Variants in CHURC1 observed in about 807,000 individuals in gnomAD.
The protein encoded by CHURC1 is protein Churchill.
In CHURC1, 12 loss-of-function variants were observed where a neutral mutation model predicts 15.4. The observed-to-expected ratio is 0.78, with a 90% CI of 0.50 to 1.27. The LOEUF is 1.27. Among genes scored for constraint, CHURC1 ranks in the 50% most tolerant of loss-of-function variants. The pLI is 0.00. For synonymous variants in CHURC1, 42 were observed against 47.5 expected, an observed-to-expected ratio of 0.88 and a Z score of 0.48; for missense variants, 132 against 137.8, an observed-to-expected ratio of 0.96 and a Z score of 0.21.
At chr14:64,931,124 C>T (rs113527139) in intron 3 of CHURC1, among the ~76,000 whole-genome samples, 1 of 152,208 alleles carries the variant, frequency 6.6e-6, no homozygotes, top group African/African-American at 2.4e-5. Flanking sequence ...TTCTAGAAGA[C>T]TTAACATAGA....
rs777281072 is a variant in CHURC1, at chr14:64,914,467, G to A, written c.-29G>A. 6.2e-7 allele frequency: 1 copy of A among 1,614,278 alleles called. No individual in the cohort carries two copies. The highest frequency in any genetic ancestry group is 8.5e-7 in the Non-Finnish European group (1 of 1,180,050). ...GAGGTTTCGTCTTCCCGGAAGCGTT[G>A]GAGGACATTCCCTGTTGACTGCGTC... On this transcript the variant is annotated 5_prime_UTR_variant, in exon 1 of 4. Transcript: ENST00000549115.
chr14:64,932,546 C>G lies in CHURC1; in HGVS notation c.*316C>G. The G allele has an allele frequency of 1.2e-6, 1 of 828,956 alleles. No homozygotes were observed. Among genetic ancestry groups the G allele is most frequent in the Non-Finnish European group, 1.5e-6 (1 of 670,774 alleles). 51.4% of individuals were successfully genotyped at this position (828,956 alleles called of 1,614,324 possible). A position where few individuals can be genotyped will look rare whatever the true frequency, so the allele number is the denominator to read the frequency against. On this transcript the variant is annotated 3_prime_UTR_variant, in exon 4 of 4. Coordinates refer to ENST00000549115, the MANE Select transcript of CHURC1 (RefSeq NM_001386928.1). ...TGGTTTCCAATAAAAGGAACCAGGACTCCTTAGAAAATGAACTGATTCTAG... is the reference window on the plus strand; with the variant it reads ...TGGTTTCCAATAAAAGGAACCAGGAGTCCTTAGAAAATGAACTGATTCTAG...
intron 3 of CHURC1, among the ~76,000 whole-genome samples, chr14:64,928,826 T>C (rs1884908042): frequency 6.6e-6 from 1 of 152,214 alleles, no homozygotes; most frequent in African/African-American, 2.4e-5. Flanking sequence ...TTGTGTTTTC[T>C]CTTAGTTTTC....
rs1885150756 is a variant in CHURC1 at position 64,932,758 on chromosome 14, C to A, written c.*528C>A. 6.6e-6 allele frequency: 1 copy of A among 152,044 alleles called. No homozygotes were observed. Among genetic ancestry groups the A allele is most frequent in the Admixed American group, 6.5e-5 (1 of 15,270 alleles). 9.4% of individuals were successfully genotyped at this position (152,044 alleles called of 1,614,324 possible). On this transcript the variant is annotated 3_prime_UTR_variant, in exon 4 of 4. Coordinates refer to ENST00000549115, the MANE Select transcript of CHURC1 (RefSeq NM_001386928.1). ...AAATAAAGTAGTATTGGGTTATAAC[C>A]CAAACTATATAATAAATATTTACAA...
In CHURC1 at chr14:64,934,430, C is replaced by T. The variant is rs1885233668; in HGVS notation, c.*2200C>T. The T allele has an allele frequency of 3.0e-6, 3 of 984,930 alleles. No individual in the cohort carries two copies. The highest frequency in any genetic ancestry group is 1.2e-6 in the Non-Finnish European group (1 of 829,640). 61.0% of individuals were successfully genotyped at this position (984,930 alleles called of 1,614,324 possible). A position where few individuals can be genotyped will look rare whatever the true frequency, so the allele number is the denominator to read the frequency against. ...ATCACACAGCTAGTGCAGTTACCCC[C>T]TCTCAGTAATTATGTTTGGCAAATA... On this transcript the variant is annotated 3_prime_UTR_variant, in exon 4 of 4. Coordinates refer to ENST00000549115, the MANE Select transcript of CHURC1 (RefSeq NM_001386928.1).
Position 64,934,317 on chromosome 14 carries a change from C to A in CHURC1, c.*2087C>A. ...GAGCCAAGGTCATGCCACTGCACTC[C>A]AGCCTGGGAGACAGAGCAAGACTCC... On this transcript the variant is annotated 3_prime_UTR_variant, in exon 4 of 4. Transcript: ENST00000549115. The A allele has an allele frequency of 1.6e-6, 1 of 631,890 alleles. No individual in the cohort carries two copies. The highest frequency in any genetic ancestry group is 2.0e-6 in the Non-Finnish European group (1 of 506,844). 39.1% of individuals were successfully genotyped at this position (631,890 alleles called of 1,614,324 possible). A position where few individuals can be genotyped will look rare whatever the true frequency, so the allele number is the denominator to read the frequency against.
At chr14:64,915,714 A>G (rs1461118174) in intron 1 of CHURC1, among the ~76,000 whole-genome samples, 1 of 152,234 alleles carries the variant, frequency 6.6e-6, no homozygotes, top group Non-Finnish European at 1.5e-5. Context: ...GAGCCTTATA[A>G]AATACAGACA....
Position 64,934,042 on chromosome 14 carries a change from A to G in CHURC1, c.*1812A>G. The G allele has an allele frequency of 1.0e-6, 1 of 982,886 alleles. No individual in the cohort carries two copies. Among genetic ancestry groups the G allele is most frequent in the Middle Eastern group, 5.2e-4 (1 of 1,910 alleles). The allele number at this position is 982,886 out of a possible 1,614,324, so 60.9% of individuals were successfully genotyped here. A position where few individuals can be genotyped will look rare whatever the true frequency, so the allele number is the denominator to read the frequency against. ...CTTTTAGAGCCAAAAAAACTCAGGC[A>G]CAAAGAAGTTAAATAACTTGCCGGG... On this transcript the variant is annotated 3_prime_UTR_variant, in exon 4 of 4. Coordinates refer to ENST00000549115, the MANE Select transcript of CHURC1 (RefSeq NM_001386928.1).
chr14:64,930,891 A>G (rs937945841), intron 3 of CHURC1: 1 of 452,412 alleles, frequency 2.2e-6, no homozygotes, highest in Non-Finnish European at 4.4e-6. Flanking sequence ...TTTTTATTTT[A>G]TTTTTAATTC....
chr14:64,917,469 G>A (rs1267745497), intron 1 of CHURC1, among the ~76,000 whole-genome samples: 3 of 152,106 alleles, frequency 2.0e-5, no homozygotes, highest in Admixed American at 2.0e-4. Flanking sequence ...AGGCTGAGGC[G>A]GTAGAATCGC....
rs1213977627 is a variant in CHURC1, at chr14:64,934,037, C to A, written c.*1807C>A. The A allele has an allele frequency of 2.0e-6, 2 of 983,742 alleles. No homozygotes were observed. Among genetic ancestry groups the A allele is most frequent in the African/African-American group, 3.6e-5 (2 of 56,270 alleles). 60.9% of individuals were successfully genotyped at this position (983,742 alleles called of 1,614,324 possible). A position where few individuals can be genotyped will look rare whatever the true frequency, so the allele number is the denominator to read the frequency against. ...TAGCACTTTTAGAGCCAAAAAAACT[C>A]AGGCACAAAGAAGTTAAATAACTTG... is the stretch of plus-strand genomic sequence containing the variant. On this transcript the variant is annotated 3_prime_UTR_variant, in exon 4 of 4. Transcript: ENST00000549115.
intron 1 of CHURC1, 61 bp from the exon 2 acceptor site, chr14:64,923,930 A>G: frequency 7.0e-7 from 1 of 1,436,114 alleles, no homozygotes; most frequent in Non-Finnish European, 9.2e-7. Context: ...AAGTCTGTTA[A>G]TCATCTTCAC....
chr14:64,914,481 G>A lies in CHURC1; in HGVS notation c.-15G>A. The A allele has an allele frequency of 6.2e-7, 1 of 1,614,290 alleles. No homozygotes were observed. The highest frequency in any genetic ancestry group is 8.5e-7 in the Non-Finnish European group (1 of 1,180,058). ...CCGGAAGCGTTGGAGGACATTCCCTGTTGACTGCGTCGCGATGTGTGGCGA... is the reference window on the plus strand; with the variant it reads ...CCGGAAGCGTTGGAGGACATTCCCTATTGACTGCGTCGCGATGTGTGGCGA... On this transcript the variant is annotated 5_prime_UTR_variant, in exon 1 of 4. Transcript: ENST00000549115.
chr14:64,933,745 C>T lies in CHURC1; in HGVS notation c.*1515C>T. On this transcript the variant is annotated 3_prime_UTR_variant, in exon 4 of 4. Coordinates refer to ENST00000549115, the MANE Select transcript of CHURC1 (RefSeq NM_001386928.1). Reference sequence around the variant, plus strand: ...TTCATATCTAGGAGATTTGGAAATTCTGAACTAAGGTCTTATAAGAACAAG... The same window carrying T: ...TTCATATCTAGGAGATTTGGAAATTTTGAACTAAGGTCTTATAAGAACAAG... The T allele has an allele frequency of 1.0e-6, 1 of 985,364 alleles. No homozygotes were observed. Among genetic ancestry groups the T allele is most frequent in the Non-Finnish European group, 1.2e-6 (1 of 829,916 alleles). 61.0% of individuals were successfully genotyped at this position (985,364 alleles called of 1,614,324 possible).
At position 64,933,391 on chromosome 14, in the gene CHURC1, G is replaced by A. The variant is rs1184008881; in HGVS notation, c.*1161G>A. On this transcript the variant is annotated 3_prime_UTR_variant, in exon 4 of 4. Coordinates refer to ENST00000549115, the MANE Select transcript of CHURC1 (RefSeq NM_001386928.1). ...AGAAAATGGTTTCATTGGCTTTAAA[G>A]GGATTTTAGAATATCTTACTTTGCA... 2 of 985,374 alleles carry A rather than the reference G, an allele frequency of 2.0e-6. No homozygotes were observed. Among genetic ancestry groups the A allele is most frequent in the Admixed American group, 1.2e-4 (2 of 16,264 alleles). The allele number at this position is 985,374 out of a possible 1,614,324, so 61.0% of individuals were successfully genotyped here.
At chr14:64,915,776 A>G (rs979116359) in intron 1 of CHURC1, among the ~76,000 whole-genome samples, 1 of 152,224 alleles carries the variant, frequency 6.6e-6, no homozygotes, top group Admixed American at 6.5e-5. Context: ...GCTTCTGAAG[A>G]CTTTTATAAA....
chr14:64,926,316 A>C (rs953178508), intron 3 of CHURC1, among the ~76,000 whole-genome samples: 15 of 146,896 alleles, frequency 1.0e-4, no homozygotes, highest in African/African-American at 3.6e-4. Flanking sequence ...AAAGTGTTGG[A>C]ATTACAGGCA....
chr14:64,918,929 T>G (rs1172178450), intron 1 of CHURC1, among the ~76,000 whole-genome samples: 2 of 152,204 alleles, frequency 1.3e-5, no homozygotes, highest in Non-Finnish European at 2.9e-5. Context: ...TTACATAAAG[T>G]TGTTTGGAGT....
At chr14:64,925,696 C>CAAA (rs3033506) in intron 2 of CHURC1, among the ~76,000 whole-genome samples, 5,175 of 65,952 alleles carry the variant, frequency 0.078, 307 homozygotes, top group East Asian at 0.11. Context: ...GACCCGGCCT[C>CAAA]AAAAAAAAAA....
Sources: allele counts gnomAD v4.1 joint callset (sites outside exome capture counted in the v4.1 genomes callset), GRCh38; gene constraint gnomAD v4.1.1; transcripts MANE v1.5; gene names NCBI Gene and HGNC (gene_info 2026-07-23, HGNC 2026-07-21).